Variants in CAMSAP1 observed in about 807,000 individuals in gnomAD.
The protein encoded by CAMSAP1 is calmodulin-regulated spectrin-associated protein 1.
Under a neutral mutation model 143.5 loss-of-function variants are expected in CAMSAP1, and 58 were observed. The observed-to-expected ratio is 0.40, with a 90% CI of 0.33 to 0.50. The LOEUF is 0.50. Ranked by LOEUF, CAMSAP1 falls within the 20% of genes least tolerant of loss-of-function variation. CAMSAP1 has a pLI of 0.45. For missense variants in CAMSAP1, 1,969 were observed against 2,115.7 expected (o/e 0.93, Z 1.36); for synonymous variants, 945 against 859.3 (o/e 1.10, Z -1.74).
At chr9:135,854,543 G>A (rs930567788) in intron 5 of CAMSAP1, among the ~76,000 whole-genome samples, 1 of 151,654 alleles carries the variant, frequency 6.6e-6, no homozygotes, top group Admixed American at 6.6e-5. Flanking sequence ...GCTCATTGTG[G>A]CCTCAGCCTC....
intron 1 of CAMSAP1, among the ~76,000 whole-genome samples, chr9:135,902,561 T>A (rs565406622): frequency 6.6e-6 from 1 of 152,212 alleles, no homozygotes; most frequent in Admixed American, 6.5e-5. Context: ...ATGGCGACCC[T>A]CTGGAGTTGA....
At chr9:135,887,469 A>T (rs529463111) in intron 1 of CAMSAP1, among the ~76,000 whole-genome samples, 3 of 152,314 alleles carry the variant, frequency 2.0e-5, no homozygotes, top group Admixed American at 6.5e-5. Context: ...TGGCCAAAAA[A>T]GATGTGTCTG....
rs555844208 is a variant in CAMSAP1 at position 135,889,822 on chromosome 9, G to A, written c.161-6744C>T. On this transcript the variant is annotated intron_variant, in intron 1 of 16. Coordinates refer to ENST00000389532, the MANE Select transcript of CAMSAP1 (RefSeq NM_015447.4). ...GAGGCTCTGCACCTGAGGCCCGGCC[G>A]GCCACCCTCATTCACACCTCAGAAA... Among the ~76,000 whole-genome samples the A allele has an allele frequency of 5.3e-5, 8 of 152,248 alleles. No homozygotes were observed. The South Asian group carries it at 1.2e-3, about 24-fold the overall frequency.
chr9:135,881,639 G>A lies in CAMSAP1; in HGVS notation c.579C>T (p.Ile193=). ...ATCTAGGCAGGGCACTCACCTTGTT[G>A]ATCCAGAACACCATGGCATCCTCGA... ...YDLEDAMVFW[I]NKVNLKMREI... Residue 193 remains isoleucine (I), a synonymous_variant, in exon 3 of 17, where the codon ATC becomes ATT. Transcript: ENST00000389532. The A allele has an allele frequency of 6.4e-7, 1 of 1,551,702 alleles. No homozygotes were observed.
In CAMSAP1 at chr9:135,821,127, C is replaced by G. The variant is rs143778158; in HGVS notation, c.3534G>C (p.Arg1178=). Residue 1178 remains arginine (R), a synonymous_variant, in exon 11 of 17, where the codon CGG becomes CGC. Coordinates refer to ENST00000389532, the MANE Select transcript of CAMSAP1 (RefSeq NM_015447.4). This position sits in a 1 kb window ranked among gnomAD's most constrained non-coding sequence, Gnocchi z 4.6. ...SYRLHDESNQ[R]TLTLSSSKDA... ...CTTTGGAAGAGGACAGAGTAAGTGTCCGCTGATTGCTTTCATCATGGAGCC... is the reference window on the plus strand; with the variant it reads ...CTTTGGAAGAGGACAGAGTAAGTGTGCGCTGATTGCTTTCATCATGGAGCC... The G allele has an allele frequency of 1.5e-3, 2,352 of 1,613,402 alleles. 3 individuals are homozygous for G. Among genetic ancestry groups the G allele is most frequent in the Non-Finnish European group, 1.7e-3 (1,961 of 1,179,898 alleles).
At chr9:135,830,358 G>A (rs1281045319) in intron 7 of CAMSAP1, among the ~76,000 whole-genome samples, 2 of 152,276 alleles carry the variant, frequency 1.3e-5, no homozygotes, top group South Asian at 4.2e-4. Context: ...TGAAAGTGAA[G>A]GGATGAAAAG....
chr9:135,903,474 G>C (rs1476355512), intron 1 of CAMSAP1, among the ~76,000 whole-genome samples: 1 of 152,200 alleles, frequency 6.6e-6, no homozygotes, highest in Non-Finnish European at 1.5e-5. Context: ...AAGTGTTTCT[G>C]CACAGCCATA....
rs921317620 is a variant in CAMSAP1 at position 135,811,725 on chromosome 9, C to T, written c.4507-114G>A. 1.0e-6 allele frequency: 1 copy of T among 960,842 alleles called. No individual in the cohort carries two copies. The highest frequency in any genetic ancestry group is 1.6e-6 in the Non-Finnish European group (1 of 644,108). 59.5% of individuals were successfully genotyped at this position (960,842 alleles called of 1,614,324 possible). A position where few individuals can be genotyped will look rare whatever the true frequency, so the allele number is the denominator to read the frequency against. On this transcript the variant is annotated intron_variant, in intron 16 of 16. Coordinates refer to ENST00000389532, the MANE Select transcript of CAMSAP1 (RefSeq NM_015447.4). This position sits in a 1 kb window ranked among gnomAD's most constrained non-coding sequence, Gnocchi z 4.9. ...ACCGCTCCGTGGGAAGCTCTCCCAC[C>T]CGTCAGCTACGGCCTGCCTGTTGTA...
In CAMSAP1 at chr9:135,824,865, A is replaced by G; in HGVS notation, c.1239T>C (p.Ala413=). 6.3e-7 allele frequency: 1 copy of G among 1,597,852 alleles called. No homozygotes were observed. Among genetic ancestry groups the G allele is most frequent in the Non-Finnish European group, 8.5e-7 (1 of 1,172,040 alleles). Residue 413 remains alanine, a synonymous_variant, in exon 9 of 17, where the codon GCT becomes GCC. Transcript: ENST00000389532. This position sits in a 1 kb window ranked among gnomAD's most constrained non-coding sequence, Gnocchi z 4.1. ...ATAAAGGATGGGATGGGCTGAAGGC[A>G]GCAGTTCCTTTCCCGCTAAATGGAA... ...EEPEYLGKGT[A]AFSPSHPLLP...
rs1221088953 is a variant in CAMSAP1, at chr9:135,877,310, G to A, written c.585+4323C>T. Among the ~76,000 whole-genome samples the A allele has an allele frequency of 3.9e-5, 6 of 152,024 alleles. No individual in the cohort carries two copies. The East Asian group carries it at 1.2e-3, about 29-fold the overall frequency. On this transcript the variant is annotated intron_variant, in intron 3 of 16. Coordinates refer to ENST00000389532, the MANE Select transcript of CAMSAP1 (RefSeq NM_015447.4). ...AAAAGCAAAACTAATCCACCGTGAA[G>A]ATGGCAGATGAGTAGTTACCTGCAT...
chr9:135,820,872 G>T lies in CAMSAP1; in HGVS notation c.3789C>A (p.Gly1263=). The T allele has an allele frequency of 6.2e-7, 1 of 1,613,406 alleles. No individual in the cohort carries two copies. Residue 1263 remains glycine, a synonymous_variant, in exon 11 of 17, where the codon GGC becomes GGA. Transcript: ENST00000389532. The surrounding 1 kb of genome is among the most constrained non-coding windows in gnomAD (Gnocchi z 4.4). ...AGAAGCCGACCCCCGGCTTCTGGTC[G>T]CCTTCGCTGACAAGGTCCGCCGAGC... ...LDGSADLVSE[G]DQKPGVGFFF... is the part of the protein sequence containing the mutation.
chr9:135,904,543 C>T (rs1298014153), intron 1 of CAMSAP1, among the ~76,000 whole-genome samples: 1 of 152,058 alleles, frequency 6.6e-6, no homozygotes, highest in Non-Finnish European at 1.5e-5. Context: ...GATCATCCTA[C>T]CTCTGCCTCC....
intron 1 of CAMSAP1, among the ~76,000 whole-genome samples, chr9:135,889,788 C>G (rs1838231595): frequency 6.6e-6 from 1 of 152,216 alleles, no homozygotes; most frequent in Admixed American, 6.5e-5. Flanking sequence ...AGCACAAACT[C>G]TAAGGCCAGA....
chr9:135,831,705 T>C (rs533706464), intron 7 of CAMSAP1, among the ~76,000 whole-genome samples: 2 of 151,820 alleles, frequency 1.3e-5, no homozygotes, highest in African/African-American at 4.8e-5. Flanking sequence ...TTTGTGAAGA[T>C]AAAATCGACA....
At chr9:135,836,939 TACAG>T (rs1836077656) in intron 7 of CAMSAP1, 6 of 984,184 alleles carry the variant, frequency 6.1e-6, no homozygotes, top group Non-Finnish European at 7.2e-6. Flanking sequence ...CTACCCGTTC[TACAG>T]ACACACGTCA....
chr9:135,827,801 T>C (rs2131676317), intron 7 of CAMSAP1, among the ~76,000 whole-genome samples: 1 of 152,292 alleles, frequency 6.6e-6, no homozygotes, highest in Non-Finnish European at 1.5e-5. Flanking sequence ...ACAACACAGA[T>C]GAGAAGAAGA....
intron 1 of CAMSAP1, among the ~76,000 whole-genome samples, chr9:135,897,685 T>G (rs536622024): frequency 6.6e-6 from 1 of 152,196 alleles, no homozygotes; most frequent in East Asian, 1.9e-4. Flanking sequence ...GCAGATGATA[T>G]CAATGACTTA....
chr9:135,884,133 C>A (rs1294125087), intron 1 of CAMSAP1, among the ~76,000 whole-genome samples: 2 of 152,112 alleles, frequency 1.3e-5, no homozygotes, highest in Non-Finnish European at 2.9e-5. Flanking sequence ...CAACACTCTG[C>A]TAGGAGGTGC....
Position 135,818,792 on chromosome 9 carries a change from A to T in CAMSAP1, c.3960-176T>A. The T allele has an allele frequency of 9.5e-7, 1 of 1,055,606 alleles. No individual in the cohort carries two copies. The highest frequency in any genetic ancestry group is 1.6e-5 in the South Asian group (1 of 61,564). The allele number at this position is 1,055,606 out of a possible 1,614,324, so 65.4% of individuals were successfully genotyped here. On this transcript the variant is annotated intron_variant, in intron 12 of 16. Transcript: ENST00000389532. This position sits in a 1 kb window ranked among gnomAD's most constrained non-coding sequence, Gnocchi z 7.7. The stretch of plus-strand genomic sequence containing the variant: ...GCAAAGGCAGTCCTGCAGATGACCC[A>T]CCGAGGCCACACAGCCTCCCTGGCC...
Sources: allele counts gnomAD v4.1 joint callset (sites outside exome capture counted in the v4.1 genomes callset), GRCh38; gene constraint gnomAD v4.1.1; non-coding constraint Gnocchi (gnomAD v3.1); transcripts MANE v1.5; gene names NCBI Gene and HGNC (gene_info 2026-07-23, HGNC 2026-07-21).